The following CSNK1G1 variants were observed in gnomAD, a reference collection of about 807,000 sequenced individuals.
CSNK1G1 encodes casein kinase 1 gamma 1.
Under a neutral mutation model 59.6 loss-of-function variants are expected in CSNK1G1, and 22 were observed. That is an observed-to-expected ratio of 0.37 (90% CI 0.26 to 0.53). CSNK1G1 has a LOEUF of 0.53. CSNK1G1 is among the 20% of genes least tolerant of loss of function. The pLI is 0.89. For synonymous variants in CSNK1G1, 179 were observed against 177.1 expected, an observed-to-expected ratio of 1.01 and a Z score of -0.08; for missense variants, 384 against 519.5, an observed-to-expected ratio of 0.74 and a Z score of 2.54.
chr15:64,332,034 G>A (rs933768974), intron 1 of CSNK1G1, among the ~76,000 whole-genome samples: 2 of 151,162 alleles, frequency 1.3e-5, no homozygotes, highest in African/African-American at 2.4e-5. Flanking sequence ...ACAGGTGCTG[G>A]AGAGGATGTG....
intron 4 of CSNK1G1, among the ~76,000 whole-genome samples, chr15:64,218,044 A>C (rs2082334787): frequency 6.6e-6 from 1 of 151,778 alleles, no homozygotes; most frequent in Non-Finnish European, 1.5e-5. Context: ...TCCCGGACTA[A>C]CGCGATCTTC....
chr15:64,285,708 T>C (rs914499522), intron 2 of CSNK1G1, among the ~76,000 whole-genome samples: 2 of 152,192 alleles, frequency 1.3e-5, no homozygotes, highest in Admixed American at 6.6e-5. Context: ...CTTTTTGCCC[T>C]GATAAACTGG....
chr15:64,355,000 A>C (rs1318844763), intron 1 of CSNK1G1, among the ~76,000 whole-genome samples: 1 of 152,222 alleles, frequency 6.6e-6, no homozygotes, highest in East Asian at 1.9e-4. Context: ...ATCACTACAC[A>C]GCACCTAGTA....
At chr15:64,177,043 T>A (rs2081749225) in intron 11 of CSNK1G1, among the ~76,000 whole-genome samples, 1 of 152,182 alleles carries the variant, frequency 6.6e-6, no homozygotes, top group South Asian at 2.1e-4. Context: ...CACCACCCTT[T>A]AAACCATAAA....
intron 6 of CSNK1G1, among the ~76,000 whole-genome samples, chr15:64,211,143 G>T (rs2082244583): frequency 6.6e-6 from 1 of 152,146 alleles, no homozygotes; most frequent in South Asian, 2.1e-4. Flanking sequence ...ACACAAAATG[G>T]ACTAAGTAAG....
rs115018866 is a variant in CSNK1G1, at chr15:64,282,132, T to C, written c.181+18187A>G. On this transcript the variant is annotated intron_variant, in intron 2 of 11. Transcript: ENST00000303052. ...TTTGTGGAGATGCGGTCTTGCTATG[T>C]TGTCCAGGTTGGTCTCAAATGCCTG... is the stretch of plus-strand genomic sequence containing the variant. Among the ~76,000 whole-genome samples, 720 of 152,168 alleles carry C rather than the reference T, an allele frequency of 4.7e-3. 4 individuals are homozygous for C. The highest frequency in any genetic ancestry group is 0.017 in the African/African-American group (700 of 41,514).
intron 1 of CSNK1G1, among the ~76,000 whole-genome samples, chr15:64,355,479 A>G (rs1286022412): frequency 6.6e-6 from 1 of 152,210 alleles, no homozygotes; most frequent in East Asian, 1.9e-4. Flanking sequence ...GGTAGAGGAA[A>G]GTCTCATTAC....
chr15:64,307,218 TA>T (rs1264451796), intron 1 of CSNK1G1, among the ~76,000 whole-genome samples: 1 of 151,914 alleles, frequency 6.6e-6, no homozygotes, highest in Non-Finnish European at 1.5e-5. Context: ...ACATTAATAA[TA>T]GGGGAAAACG....
At chr15:64,266,068 C>CT (rs528601412) in intron 2 of CSNK1G1, among the ~76,000 whole-genome samples, 7,954 of 146,254 alleles carry the variant, frequency 0.054, 237 homozygotes, top group South Asian at 0.087. Flanking sequence ...GACCTTGTCT[C>CT]TTTTTTTTTT....
chr15:64,237,652 A>G (rs2082633817), intron 4 of CSNK1G1, among the ~76,000 whole-genome samples: 1 of 152,066 alleles, frequency 6.6e-6, no homozygotes, highest in Non-Finnish European at 1.5e-5. Context: ...TTTATAATGT[A>G]CTCCTAAGGA....
intron 1 of CSNK1G1, among the ~76,000 whole-genome samples, chr15:64,319,687 G>A (rs1042643701): frequency 6.6e-6 from 1 of 151,708 alleles, no homozygotes; most frequent in South Asian, 2.1e-4. Context: ...TGGGATTACA[G>A]GCGCATGCCG....
intron 2 of CSNK1G1, among the ~76,000 whole-genome samples, chr15:64,269,315 T>C (rs1893151485): frequency 6.6e-6 from 1 of 151,994 alleles, no homozygotes; most frequent in African/African-American, 2.4e-5. Flanking sequence ...TGGTCCTGGG[T>C]TTTTGGTTGG....
At chr15:64,234,204 A>AC (rs576799094) in intron 4 of CSNK1G1, among the ~76,000 whole-genome samples, 8 of 151,732 alleles carry the variant, frequency 5.3e-5, no homozygotes, top group African/African-American at 9.7e-5. Context: ...ATTTTCAAAC[A>AC]CCCCCCTCAC....
At chr15:64,284,591 A>T (rs1353917787) in intron 2 of CSNK1G1, among the ~76,000 whole-genome samples, 2 of 151,856 alleles carry the variant, frequency 1.3e-5, no homozygotes, top group Non-Finnish European at 2.9e-5. Flanking sequence ...GAAATTTTTA[A>T]TTTTTTTAAT....
chr15:64,231,405 ATATATG>A (rs964374158), intron 4 of CSNK1G1, among the ~76,000 whole-genome samples: 5 of 147,408 alleles, frequency 3.4e-5, no homozygotes, highest in East Asian at 1.9e-4. Context: ...GGTCTTGCTC[ATATATG>A]TATATGTATA....
chr15:64,174,165 G>T (rs1031778155), intron 11 of CSNK1G1, among the ~76,000 whole-genome samples: 1 of 152,094 alleles, frequency 6.6e-6, no homozygotes, highest in Non-Finnish European at 1.5e-5. Flanking sequence ...TACTGTTTAG[G>T]TCCATTTCAA....
At chr15:64,211,149 G>A (rs966598692) in intron 6 of CSNK1G1, among the ~76,000 whole-genome samples, 2 of 152,214 alleles carry the variant, frequency 1.3e-5, no homozygotes, top group Non-Finnish European at 2.9e-5. Context: ...AATGGACTAA[G>A]TAAGTGTGGC....
At chr15:64,308,027 C>T (rs746417498) in intron 1 of CSNK1G1, among the ~76,000 whole-genome samples, 15 of 152,052 alleles carry the variant, frequency 9.9e-5, no homozygotes, top group Non-Finnish European at 1.6e-4. Context: ...AAAAAATGTT[C>T]GTCTTCTACT....
At chr15:64,324,337 G>A (rs555297136) in intron 1 of CSNK1G1, among the ~76,000 whole-genome samples, 23 of 152,168 alleles carry the variant, frequency 1.5e-4, no homozygotes, top group Non-Finnish European at 2.9e-4. Context: ...CCTGGGAGAG[G>A]CAGACCCACC....
Sources: allele counts gnomAD v4.1 joint callset (sites outside exome capture counted in the v4.1 genomes callset), GRCh38; gene constraint gnomAD v4.1.1; transcripts MANE v1.5; gene names NCBI Gene and HGNC (gene_info 2026-07-23, HGNC 2026-07-21).